The following SVEP1 variants were observed in gnomAD, a reference collection of about 807,000 sequenced individuals.
SVEP1 encodes sushi, von Willebrand factor type A, EGF and pentraxin domain containing 1.
In SVEP1, 164 loss-of-function variants were observed where a neutral mutation model predicts 367.3. The observed-to-expected ratio is 0.45, with a 90% CI of 0.39 to 0.51. The LOEUF (loss-of-function observed/expected upper bound fraction) is 0.51. SVEP1 is among the 20% of genes least tolerant of loss of function. The pLI, the probability that SVEP1 is intolerant of heterozygous loss-of-function variation, is 0.00. For synonymous variants in SVEP1, 1,666 were observed against 1,611.6 expected, an observed-to-expected ratio of 1.03 and a Z score of -0.81; for missense variants, 4,117 against 4,425.3, an observed-to-expected ratio of 0.93 and a Z score of 1.98.
intron 11 of SVEP1, 52 bp downstream of exon 11, chr9:110,482,309 A>G (rs183130560): frequency 1.9e-6 from 3 of 1,577,582 alleles, no homozygotes; most frequent in South Asian, 1.2e-5. Context: ...CACTATAGCA[A>G]TGACATGTGT....
chr9:110,486,808 C>T (rs1460374630), intron 9 of SVEP1, among the ~76,000 whole-genome samples: 1 of 151,980 alleles, frequency 6.6e-6, no homozygotes, highest in Admixed American at 6.6e-5. Flanking sequence ...CCACACACAG[C>T]TAATTTTTGT....
At chr9:110,381,413 C>A (rs1827434933) in intron 43 of SVEP1, among the ~76,000 whole-genome samples, 1 of 141,412 alleles carries the variant, frequency 7.1e-6, no homozygotes, top group Non-Finnish European at 1.6e-5. Flanking sequence ...TCTCATTGTT[C>A]TCATTGCTTT....
chr9:110,483,675 A>G lies in SVEP1; in HGVS notation c.1949T>C (p.Ile650Thr). ...GGGAGGTGGAGATCTGCACCAGTCT[A>G]TGACAGGTGGTTCTGCATCTGAAGA... ...IKVIDAEPPVIDWCRSPPPVQ... is the reference protein window; with the variant it reads ...IKVIDAEPPVTDWCRSPPPVQ... The change falls in exon 10 of 48, where the codon ATA (isoleucine) becomes ACA (threonine). Residue 650 changes from isoleucine (I) to threonine (T), a missense_variant. By Grantham distance (89) the Ile-to-Thr change is moderately conservative. This residue lies in a region of SVEP1 where 2,174 missense variants were observed against 2,494.3 expected (regional missense o/e 0.87). Coordinates refer to ENST00000374469, the MANE Select transcript of SVEP1 (RefSeq NM_153366.4). The G allele has an allele frequency of 6.2e-7, 1 of 1,602,786 alleles. No individual in the cohort carries two copies. Among genetic ancestry groups the G allele is most frequent in the Non-Finnish European group, 8.5e-7 (1 of 1,174,970 alleles).
chr9:110,405,178 A>G (rs528414088), intron 38 of SVEP1, among the ~76,000 whole-genome samples: 1 of 152,336 alleles, frequency 6.6e-6, no homozygotes, highest in South Asian at 2.1e-4. Context: ...TTATTCTATA[A>G]ACAGCTAACA....
intron 26 of SVEP1, among the ~76,000 whole-genome samples, chr9:110,445,255 C>T (rs890125023): frequency 1.3e-5 from 2 of 152,176 alleles, no homozygotes; most frequent in Admixed American, 6.5e-5. Context: ...GGCTCTTTGG[C>T]AAGACTCTGG....
At chr9:110,479,810 A>T in intron 12 of SVEP1, 54 bp from the exon 13 acceptor site, 1 of 1,570,266 alleles carries the variant, frequency 6.4e-7, no homozygotes, top group South Asian at 1.2e-5. Flanking sequence ...TAAAACAAAG[A>T]TTTGACTTTC....
Position 110,434,365 on chromosome 9 carries a change from T to C in SVEP1, c.5030A>G (p.Gln1677Arg). Residue 1677 changes from glutamine to arginine, a missense_variant, in exon 30 of 48, where the codon CAG becomes CGG. Around this residue, in one of 4 missense-constraint regions of SVEP1, gnomAD observed 2,174 missense variants for 2,494.3 expected, o/e 0.87. Coordinates refer to ENST00000374469, the MANE Select transcript of SVEP1 (RefSeq NM_153366.4). Reference sequence around the variant, plus strand: ...ACAGTGAGGAAGTGGTTGTGTCCACTGTCCTTGATTCAGACAGTACTGCAC... The same window carrying C: ...ACAGTGAGGAAGTGGTTGTGTCCACCGTCCTTGATTCAGACAGTACTGCAC... ...NPVQYCLNQGQWTQPLPHCER... is the reference protein window; with the variant it reads ...NPVQYCLNQGRWTQPLPHCER... 1 of 1,611,726 alleles carries C rather than the reference T, an allele frequency of 6.2e-7. No homozygotes were observed. Among genetic ancestry groups the C allele is most frequent in the South Asian group, 1.1e-5 (1 of 90,822 alleles).
intron 36 of SVEP1, among the ~76,000 whole-genome samples, chr9:110,427,046 T>C (rs749509584): frequency 9.9e-5 from 15 of 152,090 alleles, no homozygotes; most frequent in Non-Finnish European, 1.9e-4. Context: ...CAGTGGCTCA[T>C]GTCTGTAATC....
At chr9:110,401,732 T>C (rs192351102) in intron 39 of SVEP1, among the ~76,000 whole-genome samples, 2 of 152,008 alleles carry the variant, frequency 1.3e-5, no homozygotes, top group Admixed American at 1.3e-4. Context: ...AAAAAAATTA[T>C]TAAGGCACTA....
intron 40 of SVEP1, among the ~76,000 whole-genome samples, chr9:110,397,569 T>C (rs376314881): frequency 7.9e-5 from 12 of 152,044 alleles, no homozygotes; most frequent in African/African-American, 2.9e-4. Flanking sequence ...TGTTTGCAGA[T>C]GACATGATTG....
chr9:110,471,756 A>C (rs1476039589), intron 15 of SVEP1, among the ~76,000 whole-genome samples, 159 bp from the exon 16 acceptor site: 2 of 152,234 alleles, frequency 1.3e-5, no homozygotes, highest in Non-Finnish European at 2.9e-5. Context: ...ATTAATTCAA[A>C]ATAAATTTAA....
At chr9:110,387,484 A>C in intron 41 of SVEP1, 26 bp from the exon 42 acceptor site, 1 of 1,563,938 alleles carries the variant, frequency 6.4e-7, no homozygotes, top group Non-Finnish European at 8.6e-7. Flanking sequence ...AAAGCCTCAT[A>C]TTAATTGCTT....
chr9:110,579,427 C>T lies in SVEP1; in HGVS notation c.117G>A (p.Ala39=). The T allele has an allele frequency of 1.9e-6, 3 of 1,587,388 alleles. No homozygotes were observed. Among genetic ancestry groups the T allele is most frequent in the South Asian group, 2.3e-5 (2 of 87,668 alleles). The change falls in exon 1 of 48, where the codon GCG becomes GCA. Residue 39 remains alanine, a synonymous_variant. Coordinates refer to ENST00000374469, the MANE Select transcript of SVEP1 (RefSeq NM_153366.4). The surrounding 1 kb of genome is among the most constrained non-coding windows in gnomAD (Gnocchi z 5.3). ...CGGGGATACTCCCGGGGGCCCCGGG[C>T]GCGGTCTCGGGGAAGAGGCGGAAGC... ...NFSFRLFPET[A]PGAPGSIPAP...
At position 110,407,735 on chromosome 9, in the gene SVEP1, C is replaced by T. The variant is rs781532690; in HGVS notation, c.7865G>A (p.Gly2622Glu). The T allele has an allele frequency of 6.2e-7, 1 of 1,613,944 alleles. No individual in the cohort carries two copies. The highest frequency in any genetic ancestry group is 2.2e-5 in the East Asian group (1 of 44,876). Reference sequence around the variant, plus strand: ...GTCATCTTTGAGTTTAGTACAGTCTCCAAAATCTATATGAGGAGGGAGGCC... The same window carrying T: ...GTCATCTTTGAGTTTAGTACAGTCTTCAAAATCTATATGAGGAGGGAGGCC... ...DCGLPPHIDF[G>E]DCTKLKDDQG... is the part of the protein sequence containing the mutation. The change falls in exon 38 of 48, where the codon GGA becomes GAA. Residue 2622 changes from glycine to glutamate, a missense_variant. Physicochemically the swap from Gly to Glu is moderately conservative, Grantham distance 98. Coordinates refer to ENST00000374469, the MANE Select transcript of SVEP1 (RefSeq NM_153366.4).
Position 110,434,468 on chromosome 9 carries a change from T to C in SVEP1, c.4927A>G (p.Thr1643Ala). 1 of 1,613,382 alleles carries C rather than the reference T, an allele frequency of 6.2e-7. No individual in the cohort carries two copies. Among genetic ancestry groups the C allele is most frequent in the East Asian group, 2.2e-5 (1 of 44,852 alleles). Reference protein sequence around the residue: ...RLGGSVPHLRTASEDLKPGSK... With the variant: ...RLGGSVPHLRAASEDLKPGSK... ...CCTGGCTTTAAATCTTCAGATGCAG[T>C]TCTCAGATGAGGCACTGACCCTCCT... The change falls in exon 30 of 48, where the codon ACT becomes GCT. Residue 1643 changes from threonine to alanine, a missense_variant. Physicochemically the swap from Thr to Ala is moderately conservative, Grantham distance 58. This residue lies in a region of SVEP1 where 2,174 missense variants were observed against 2,494.3 expected (regional missense o/e 0.87). Coordinates refer to ENST00000374469, the MANE Select transcript of SVEP1 (RefSeq NM_153366.4).
chr9:110,385,712 T>G (rs988818293), intron 43 of SVEP1, among the ~76,000 whole-genome samples, 186 bp downstream of exon 43: 3 of 152,170 alleles, frequency 2.0e-5, no homozygotes, highest in Non-Finnish European at 2.9e-5. Context: ...TCTGGAAAGC[T>G]TTTTTTAAAA....
In SVEP1 at chr9:110,499,056, C is replaced by G; in HGVS notation, c.1666G>C (p.Ala556Pro). ...TSGKWNVGVQ[A>P]AVCKDVEAPQ... is the part of the protein sequence containing the mutation. ...AGAGACCTACCTTTACACACAGCTG[C>G]CTGAACTCCGACATTCCATTTTCCA... The change falls in exon 7 of 48, where the codon GCA becomes CCA. Residue 556 changes from alanine (A) to proline (P), a missense_variant. Coordinates refer to ENST00000374469, the MANE Select transcript of SVEP1 (RefSeq NM_153366.4). The G allele has an allele frequency of 6.2e-7, 1 of 1,613,380 alleles. No homozygotes were observed. Among genetic ancestry groups the G allele is most frequent in the African/African-American group, 1.3e-5 (1 of 75,000 alleles).
intron 43 of SVEP1, among the ~76,000 whole-genome samples, chr9:110,380,340 G>A (rs762561199): frequency 1.3e-4 from 19 of 151,994 alleles, no homozygotes; most frequent in Non-Finnish European, 2.1e-4. Context: ...CTTATAAGCC[G>A]GCGTCTAAAA....
intron 1 of SVEP1, among the ~76,000 whole-genome samples, chr9:110,574,054 T>C (rs2118888522): frequency 6.6e-6 from 1 of 152,344 alleles, no homozygotes. Flanking sequence ...AGTTGTCCAA[T>C]TCTGACACCA....
Sources: allele counts gnomAD v4.1 joint callset (sites outside exome capture counted in the v4.1 genomes callset), GRCh38; gene constraint gnomAD v4.1.1; regional missense constraint gnomAD v4.1.1; non-coding constraint Gnocchi (gnomAD v3.1); transcripts MANE v1.5; gene names NCBI Gene and HGNC (gene_info 2026-07-23, HGNC 2026-07-21).